Variants in ZFYVE1 observed in about 807,000 individuals in gnomAD.
ZFYVE1 encodes zinc finger FYVE-type containing 1.
A neutral mutation model predicts 74.4 loss-of-function variants in ZFYVE1; 30 were observed. The ratio of observed to expected loss-of-function variants is 0.40; its 90% confidence interval spans 0.30 to 0.55. The LOEUF is 0.55. ZFYVE1 is among the 20% of genes least tolerant of loss of function. The pLI is 0.42. For missense variants in ZFYVE1, 703 were observed against 1,011.6 expected (o/e 0.69, Z 4.14); for synonymous variants, 335 against 385.1 (o/e 0.87, Z 1.52).
rs534125064 is a variant in ZFYVE1 at position 72,998,459 on chromosome 14, C to T, written c.484-144G>A. On this transcript the variant is annotated intron_variant, in intron 2 of 11. Coordinates refer to ENST00000556143, the MANE Select transcript of ZFYVE1 (RefSeq NM_021260.4). ...TCACAGGATAATAGCTCCCCACCTC[C>T]ACCCTTAGCAAACAGCTCAAAGGAA... The T allele has an allele frequency of 6.9e-4, 491 of 712,660 alleles. 1 individual carries two copies. Among genetic ancestry groups the T allele is most frequent in the Non-Finnish European group, 9.2e-4 (445 of 483,542 alleles). The allele number at this position is 712,660 out of a possible 1,614,324, so 44.1% of individuals were successfully genotyped here.
chr14:73,017,241 C>G (rs951815789), intron 2 of ZFYVE1, among the ~76,000 whole-genome samples: 6 of 152,198 alleles, frequency 3.9e-5, no homozygotes, highest in African/African-American at 1.2e-4. Flanking sequence ...TCTGTCAGAT[C>G]GATCACTTTC....
Position 72,969,638 on chromosome 14 carries a change from C to G in ZFYVE1, c.*1244G>C. 1 of 694,920 alleles carries G rather than the reference C, an allele frequency of 1.4e-6. No individual in the cohort carries two copies. The highest frequency in any genetic ancestry group is 2.1e-5 in the Admixed American group (1 of 48,368). 43.0% of individuals were successfully genotyped at this position (694,920 alleles called of 1,614,324 possible). ...CTTCCCTAAAGCTCAACCCACCCAC[C>G]AGTTCAGTTAAGAATTATACTTTAA... On this transcript the variant is annotated 3_prime_UTR_variant, in exon 12 of 12. Coordinates refer to ENST00000556143, the MANE Select transcript of ZFYVE1 (RefSeq NM_021260.4).
intron 2 of ZFYVE1, among the ~76,000 whole-genome samples, chr14:73,022,992 GT>G (rs1567366373): frequency 6.6e-6 from 1 of 151,336 alleles, no homozygotes; most frequent in Non-Finnish European, 1.5e-5. Context: ...GTGAACCCCC[GT>G]CTCTACTAAA....
chr14:73,022,165 G>A (rs868787993), intron 2 of ZFYVE1, among the ~76,000 whole-genome samples: 34 of 152,106 alleles, frequency 2.2e-4, no homozygotes, highest in African/African-American at 7.7e-4. Context: ...AGACATTATC[G>A]CTGACAAGGG....
intron 2 of ZFYVE1, among the ~76,000 whole-genome samples, chr14:73,017,032 A>C (rs990986971): frequency 6.6e-6 from 1 of 151,942 alleles, no homozygotes; most frequent in Non-Finnish European, 1.5e-5. Flanking sequence ...GGCCAGGTAC[A>C]GTAATCCCAG....
intron 4 of ZFYVE1, among the ~76,000 whole-genome samples, chr14:72,983,429 C>T (rs1255194774): frequency 2.0e-5 from 3 of 146,970 alleles, no homozygotes; most frequent in Non-Finnish European, 4.5e-5. Context: ...TCAATTCCCA[C>T]CTATAAGTGA....
In ZFYVE1 at chr14:72,975,282, A is replaced by T; in HGVS notation, c.1806+269T>A. 1.9e-6 allele frequency: 1 copy of T among 526,210 alleles called. No individual in the cohort carries two copies. The highest frequency in any genetic ancestry group is 3.3e-6 in the Non-Finnish European group (1 of 301,692). 32.6% of individuals were successfully genotyped at this position (526,210 alleles called of 1,614,324 possible). ...TCCAGATTCTTATCTGGGTCCTCACATATCTAAGCAATATTCACTGGTCGT... is the reference window on the plus strand; with the variant it reads ...TCCAGATTCTTATCTGGGTCCTCACTTATCTAAGCAATATTCACTGGTCGT... On this transcript the variant is annotated intron_variant, in intron 9 of 11. Coordinates refer to ENST00000556143, the MANE Select transcript of ZFYVE1 (RefSeq NM_021260.4). This position sits in a 1 kb window ranked among gnomAD's most constrained non-coding sequence, Gnocchi z 4.1.
intron 2 of ZFYVE1, among the ~76,000 whole-genome samples, chr14:73,004,906 G>C (rs1893945508): frequency 6.6e-6 from 1 of 151,830 alleles, no homozygotes; most frequent in African/African-American, 2.4e-5. Flanking sequence ...GGCTGAGGTG[G>C]GAGAATTGCT....
intron 5 of ZFYVE1, among the ~76,000 whole-genome samples, chr14:72,980,342 T>A (rs1296619942): frequency 1.3e-5 from 2 of 152,174 alleles, no homozygotes; most frequent in Admixed American, 1.3e-4. Context: ...AAAGACAATT[T>A]GGTAGTGAAG....
At chr14:73,006,020 C>G (rs1404900147) in intron 2 of ZFYVE1, among the ~76,000 whole-genome samples, 1 of 151,954 alleles carries the variant, frequency 6.6e-6, no homozygotes, top group Non-Finnish European at 1.5e-5. Flanking sequence ...CTCCCCGGTT[C>G]AGGCCATTCT....
intron 8 of ZFYVE1, among the ~76,000 whole-genome samples, chr14:72,977,377 T>C (rs1245277085): frequency 6.6e-6 from 1 of 151,856 alleles, no homozygotes; most frequent in Non-Finnish European, 1.5e-5. Flanking sequence ...ATCTCACCAT[T>C]GCACTTCAGC....
chr14:73,004,014 T>A (rs1338943235), intron 2 of ZFYVE1, among the ~76,000 whole-genome samples: 1 of 152,118 alleles, frequency 6.6e-6, no homozygotes, highest in Admixed American at 6.6e-5. Flanking sequence ...CCATCATACA[T>A]CTTCCACAGG....
At chr14:72,987,183 CA>C (rs1316298365) in intron 4 of ZFYVE1, among the ~76,000 whole-genome samples, 1 of 152,200 alleles carries the variant, frequency 6.6e-6, no homozygotes, top group African/African-American at 2.4e-5. Flanking sequence ...CCCAACAAAA[CA>C]TAACTTTATA....
intron 4 of ZFYVE1, 94 bp from the exon 5 acceptor site, chr14:72,981,989 C>A: frequency 9.7e-7 from 1 of 1,026,878 alleles, no homozygotes; most frequent in Non-Finnish European, 1.5e-6. Context: ...AACACAGGCA[C>A]AGAAGAAATC....
At chr14:73,001,132 A>C (rs1893861210) in intron 2 of ZFYVE1, among the ~76,000 whole-genome samples, 1 of 152,180 alleles carries the variant, frequency 6.6e-6, no homozygotes, top group Non-Finnish European at 1.5e-5. Flanking sequence ...CTGTTGCAAA[A>C]TGTTGTTTAT....
intron 11 of ZFYVE1, among the ~76,000 whole-genome samples, 153 bp from the exon 12 acceptor site, chr14:72,971,267 G>A (rs111439848): frequency 3.7e-4 from 57 of 152,352 alleles, no homozygotes; most frequent in African/African-American, 1.3e-3. Flanking sequence ...CCCAGGCTCT[G>A]CCACTCACAT....
At position 72,975,883 on chromosome 14, in the gene ZFYVE1, T is replaced by G; in HGVS notation, c.1636-162A>C. The G allele has an allele frequency of 2.6e-6, 2 of 768,202 alleles. No homozygotes were observed. The allele number at this position is 768,202 out of a possible 1,614,324, so 47.6% of individuals were successfully genotyped here. ...ACACCAGGAATCCCTCTGGCTTTAT[T>G]CTCTTCAAAGTGACCATAAGACTTG... On this transcript the variant is annotated intron_variant, in intron 8 of 11. Transcript: ENST00000556143. This position sits in a 1 kb window ranked among gnomAD's most constrained non-coding sequence, Gnocchi z 4.1.
intron 8 of ZFYVE1, among the ~76,000 whole-genome samples, chr14:72,976,956 A>G (rs1209429932): frequency 6.6e-6 from 1 of 152,184 alleles, no homozygotes; most frequent in East Asian, 1.9e-4. Context: ...CTCAGGGATA[A>G]TCACTTGCCT....
chr14:73,019,229 G>A (rs1894263740), intron 2 of ZFYVE1, among the ~76,000 whole-genome samples: 1 of 152,106 alleles, frequency 6.6e-6, no homozygotes, highest in Admixed American at 6.6e-5. Flanking sequence ...GGAGACTCTA[G>A]GCCATAGAAT....
Sources: gnomAD v4.1 joint callset for allele counts (sites outside exome capture counted in the v4.1 genomes callset) on GRCh38, gnomAD v4.1.1 for gene constraint, Gnocchi (gnomAD v3.1) non-coding constraint, MANE v1.5 for transcripts, NCBI Gene and HGNC (gene_info 2026-07-23, HGNC 2026-07-21) for gene names.